The following SLC6A3 variants were observed in gnomAD, a reference collection of about 807,000 sequenced individuals.
The protein encoded by SLC6A3 is solute carrier family 6 member 3, also known as sodium-dependent dopamine transporter.
SLC6A3 carries 19 observed loss-of-function variants against 70.4 expected under a neutral mutation model. The ratio of observed to expected loss-of-function variants is 0.27; its 90% CI spans 0.19 to 0.40. SLC6A3 has a LOEUF of 0.40. Among genes scored for constraint, SLC6A3 ranks in the 10% least tolerant of loss-of-function variants. The pLI is 1.00. For missense variants in SLC6A3, 613 were observed against 838.5 expected, an observed-to-expected ratio of 0.73 and a Z score of 3.32; for synonymous variants, 368 against 356.6, an observed-to-expected ratio of 1.03 and a Z score of -0.36.
At chr5:1,441,534 C>T in intron 2 of SLC6A3, 44 bp from the exon 3 acceptor site, 3 of 1,605,094 alleles carry the variant, frequency 1.9e-6, no homozygotes, top group South Asian at 1.1e-5. Flanking sequence ...CTCGGAAGGG[C>T]CCATCTCTCC....
intron 7 of SLC6A3, among the ~76,000 whole-genome samples, chr5:1,415,073 C>T (rs1461736017): frequency 1.3e-5 from 2 of 152,128 alleles, no homozygotes; most frequent in Admixed American, 1.3e-4. Context: ...CCCCTGTGCC[C>T]CGCGAGTCTT....
In SLC6A3 at chr5:1,436,555, T is replaced by C. The variant is rs1756840608; in HGVS notation, c.419-3857A>G. 6.6e-6 allele frequency among the ~76,000 whole-genome samples: 1 copy of C among 152,228 alleles called. No homozygotes were observed. The highest frequency in any genetic ancestry group is 2.4e-5 in the African/African-American group (1 of 41,448). ...AGCTTTTAAGGCCCATTTCCTTAAA[T>C]TTATTTTTGCTTAGTATCTTTTTCT... On this transcript the variant is annotated intron_variant, in intron 3 of 14. Transcript: ENST00000270349. This position sits in a 1 kb window ranked among gnomAD's most constrained non-coding sequence, Gnocchi z 5.2.
intron 4 of SLC6A3, among the ~76,000 whole-genome samples, chr5:1,430,581 A>T (rs1756675769): frequency 6.6e-6 from 1 of 152,168 alleles, no homozygotes; most frequent in African/African-American, 2.4e-5. Flanking sequence ...GGCCTGCCCG[A>T]AGGCTCCATC....
At chr5:1,441,249 T>C in intron 3 of SLC6A3, 110 bp downstream of exon 3, 1 of 1,382,276 alleles carries the variant, frequency 7.2e-7, no homozygotes, top group Non-Finnish European at 1.0e-6. Flanking sequence ...GCCTGTGTCT[T>C]AGCAAAGCAG....
At position 1,437,251 on chromosome 5, in the gene SLC6A3, CAAAA is replaced by C. The variant is rs113262982; in HGVS notation, c.418+4104_418+4107del. Among the ~76,000 whole-genome samples, 2 of 116,874 alleles carry C rather than the reference CAAAA, an allele frequency of 1.7e-5. No individual in the cohort carries two copies. Among genetic ancestry groups the C allele is most frequent in the African/African-American group, 6.4e-5 (2 of 31,304 alleles). 76.7% of individuals were successfully genotyped at this position (116,874 alleles called of 152,430 possible). ...GGTGACAGAGCGAGATTCCGTCTCA[CAAAA>C]AAAAAAAAAAAGAAAAGAAAAGAAA... On this transcript the variant is annotated intron_variant, in intron 3 of 14. Transcript: ENST00000270349. The surrounding 1 kb of genome is among the most constrained non-coding windows in gnomAD (Gnocchi z 4.8).
chr5:1,414,415 G>T lies in SLC6A3; in HGVS notation c.1156+276C>A, dbSNP rs141592200. ...GCACTGGGTGGGGGGGCCTGGAGGG[G>T]CAGGGCGGAGAAGGCACTGGGTGGG... On this transcript the variant is annotated intron_variant, in intron 8 of 14. Coordinates refer to ENST00000270349, the MANE Select transcript of SLC6A3 (RefSeq NM_001044.5). Among the ~76,000 whole-genome samples, 2,277 of 126,776 alleles carry T rather than the reference G, an allele frequency of 0.018. 17 individuals are homozygous for T. The highest frequency in any genetic ancestry group is 0.029 in the Middle Eastern group (7 of 244). 83.2% of individuals were successfully genotyped at this position (126,776 alleles called of 152,430 possible).
chr5:1,431,627 G>A (rs1461085422), intron 4 of SLC6A3, among the ~76,000 whole-genome samples: 1 of 151,814 alleles, frequency 6.6e-6, no homozygotes, highest in Admixed American at 6.6e-5. Context: ...GGTGGACGGT[G>A]TGGGGTGGGC....
rs1414134507 is a variant in SLC6A3, at chr5:1,404,093, C to T, written c.1600-1004G>A. ...CCAATTGTCCACTTTTCCTCAATTT[C>T]AGAAAAGTTAAAACATCCAAGCCTT... is the stretch of plus-strand genomic sequence containing the variant. On this transcript the variant is annotated intron_variant, in intron 12 of 14. Coordinates refer to ENST00000270349, the MANE Select transcript of SLC6A3 (RefSeq NM_001044.5). The surrounding 1 kb of genome is among the most constrained non-coding windows in gnomAD (Gnocchi z 5.2). 1.3e-5 allele frequency among the ~76,000 whole-genome samples: 2 copies of T among 152,256 alleles called. No individual in the cohort carries two copies. Among genetic ancestry groups the T allele is most frequent in the Non-Finnish European group, 2.9e-5 (2 of 68,044 alleles).
intron 6 of SLC6A3, 64 bp downstream of exon 6, chr5:1,420,505 A>G (rs1178049525): frequency 4.4e-6 from 7 of 1,596,696 alleles, no homozygotes; most frequent in Non-Finnish European, 6.0e-6. Flanking sequence ...CAGGCAATGC[A>G]TATGGAAACC....
chr5:1,434,833 C>T (rs1756791826), intron 3 of SLC6A3, among the ~76,000 whole-genome samples: 1 of 152,152 alleles, frequency 6.6e-6, no homozygotes, highest in South Asian at 2.1e-4. Context: ...ATGCTCAGGG[C>T]ACCTCAGTAA....
rs370345490 is a variant in SLC6A3 at position 1,403,106 on chromosome 5, C to G, written c.1600-17G>C. On this transcript the variant is annotated splice_polypyrimidine_tract_variant and intron_variant, in intron 12 of 14. Transcript: ENST00000270349. ...GACCACGAACTGCAACCAGCAGATA[C>G]GGAGGTCAGGCAGCTCTCAGCCGGC... 1 of 1,612,492 alleles carries G rather than the reference C, an allele frequency of 6.2e-7. No individual in the cohort carries two copies. The highest frequency in any genetic ancestry group is 2.2e-5 in the East Asian group (1 of 44,824).
Position 1,404,343 on chromosome 5 carries a change from G to A in SLC6A3, c.1600-1254C>T, listed in dbSNP as rs1755920426. On this transcript the variant is annotated intron_variant, in intron 12 of 14. Coordinates refer to ENST00000270349, the MANE Select transcript of SLC6A3 (RefSeq NM_001044.5). The surrounding 1 kb of genome is among the most constrained non-coding windows in gnomAD (Gnocchi z 5.2). ...GGGGCGGCTGCCTTGGCTGCACAGA[G>A]AGCCCTGAGCATGCTTTAAAGAGCC... Among the ~76,000 whole-genome samples the A allele has an allele frequency of 6.6e-6, 1 of 152,232 alleles. No homozygotes were observed. The highest frequency in any genetic ancestry group is 2.1e-4 in the South Asian group (1 of 4,836).
rs775887875 is a variant in SLC6A3, at chr5:1,416,216, G to A, written c.928-15C>T. The A allele has an allele frequency of 1.3e-6, 2 of 1,596,064 alleles. No individual in the cohort carries two copies. Among genetic ancestry groups the A allele is most frequent in the Admixed American group, 3.3e-5 (2 of 60,000 alleles). On this transcript the variant is annotated splice_polypyrimidine_tract_variant and intron_variant, in intron 6 of 14. Transcript: ENST00000270349. ...TCAATCCAAACCTGCAGAGCCAGAG[G>A]GCGGTGAGAGGCTGTCCCAGGAGAA...
chr5:1,428,727 C>G (rs555370729), intron 4 of SLC6A3, among the ~76,000 whole-genome samples: 14 of 152,266 alleles, frequency 9.2e-5, no homozygotes, highest in South Asian at 4.1e-4. Context: ...GTGTAGGAGC[C>G]AGCACTGCAC....
chr5:1,422,070 T>C, intron 4 of SLC6A3, 56 bp from the exon 5 acceptor site: 5 of 1,583,418 alleles, frequency 3.2e-6, no homozygotes, highest in Non-Finnish European at 4.3e-6. Flanking sequence ...CACCTGGAAC[T>C]GGACGGCTGA....
chr5:1,417,723 A>C (rs766462915), intron 6 of SLC6A3, among the ~76,000 whole-genome samples: 1 of 152,156 alleles, frequency 6.6e-6, no homozygotes, highest in Non-Finnish European at 1.5e-5. Flanking sequence ...AGGAGCAGCC[A>C]ACCCCCCCTT....
chr5:1,443,990 G>C (rs1292382015), intron 1 of SLC6A3, among the ~76,000 whole-genome samples: 2 of 152,130 alleles, frequency 1.3e-5, no homozygotes, highest in Non-Finnish European at 2.9e-5. Flanking sequence ...GAGCCACCAA[G>C]CCTGGGCTTG....
Position 1,421,424 on chromosome 5 carries a change from G to A in SLC6A3, c.792+452C>T, listed in dbSNP as rs769900880. Among the ~76,000 whole-genome samples, 5 of 152,110 alleles carry A rather than the reference G, an allele frequency of 3.3e-5. No individual in the cohort carries two copies. Among genetic ancestry groups the A allele is most frequent in the African/African-American group, 4.8e-5 (2 of 41,418 alleles). ...ACCCCTGACCTCAGGTGATCTGCCC[G>A]TCTCAGCCTCCCAAAGTATTTTTAT... is the stretch of plus-strand genomic sequence containing the variant. On this transcript the variant is annotated intron_variant, in intron 5 of 14. Coordinates refer to ENST00000270349, the MANE Select transcript of SLC6A3 (RefSeq NM_001044.5). The surrounding 1 kb of genome is among the most constrained non-coding windows in gnomAD (Gnocchi z 7.2).
rs2126390214 is a variant in SLC6A3 at position 1,430,750 on chromosome 5, C to A, written c.653+1714G>T. Among the ~76,000 whole-genome samples, 3 of 144,296 alleles carry A rather than the reference C, an allele frequency of 2.1e-5. 1 individual carries two copies. The South Asian group carries it at 6.7e-4, about 32-fold the overall frequency. 94.7% of individuals were successfully genotyped at this position (144,296 alleles called of 152,430 possible). ...GCCCTTGCAGACCAAGACCAAAGTT[C>A]TCGGGGATGATCCTCCCCCAGCAGA... On this transcript the variant is annotated intron_variant, in intron 4 of 14. Coordinates refer to ENST00000270349, the MANE Select transcript of SLC6A3 (RefSeq NM_001044.5).
Sources: gnomAD v4.1 joint callset for allele counts (sites outside exome capture counted in the v4.1 genomes callset) on GRCh38, gnomAD v4.1.1 for gene constraint, Gnocchi (gnomAD v3.1) non-coding constraint, MANE v1.5 for transcripts, NCBI Gene and HGNC (gene_info 2026-07-23, HGNC 2026-07-21) for gene names.